Variants in KCNK9 observed in about 807,000 individuals in gnomAD.
The protein encoded by KCNK9 is potassium channel subfamily K member 9.
In KCNK9, 1 loss-of-function variant was observed where a neutral mutation model predicts 10.8. That is an observed-to-expected ratio of 0.09 (90% CI 0.03 to 0.44). The LOEUF is 0.44. Among genes scored for constraint, KCNK9 ranks in the 20% least tolerant of loss-of-function variants. KCNK9 has a pLI of 0.97. For missense variants in KCNK9, 303 were observed against 515.0 expected, an observed-to-expected ratio of 0.59 and a Z score of 3.98; for synonymous variants, 231 against 222.7, an observed-to-expected ratio of 1.04 and a Z score of -0.33.
At chr8:139,626,469 G>A (rs1814980511) in intron 1 of KCNK9, among the ~76,000 whole-genome samples, 1 of 152,210 alleles carries the variant, frequency 6.6e-6, no homozygotes, top group Non-Finnish European at 1.5e-5. Flanking sequence ...GGGGTGGAGT[G>A]GAGGAGCTCA....
chr8:139,618,492 G>A lies in KCNK9; in HGVS notation c.891C>T (p.Cys297=), dbSNP rs1449203993. 6.2e-7 allele frequency: 1 copy of A among 1,613,824 alleles called. No homozygotes were observed. The highest frequency in any genetic ancestry group is 1.7e-5 in the Admixed American group (1 of 60,034). The change falls in exon 2 of 2, where the codon TGC becomes TGT. Residue 297 remains cysteine, a synonymous_variant. Transcript: ENST00000520439. This position sits in a 1 kb window ranked among gnomAD's most constrained non-coding sequence, Gnocchi z 7.9. ...CCTGCGAGCGGTAGCAGGTGCAGGA[G>A]CACACAGACTGCAGGTCCGGGACGT... ...KADVPDLQSV[C]SCTCYRSQDY...
chr8:139,663,645 G>A (rs534220240), intron 1 of KCNK9, among the ~76,000 whole-genome samples: 62 of 123,112 alleles, frequency 5.0e-4, no homozygotes, highest in African/African-American at 1.8e-3. Context: ...ACGCGCGTGC[G>A]CACGTGTGTG....
At chr8:139,661,450 T>G (rs1816148521) in intron 1 of KCNK9, among the ~76,000 whole-genome samples, 1 of 152,134 alleles carries the variant, frequency 6.6e-6, no homozygotes, top group African/African-American at 2.4e-5. Context: ...TGGCCAAAAG[T>G]ACACAAGGTA....
At chr8:139,613,335 C>A (rs1198435568), downstream of KCNK9, among the ~76,000 whole-genome samples, 1 of 152,112 alleles carries the variant, frequency 6.6e-6, no homozygotes, top group Non-Finnish European at 1.5e-5. Flanking sequence ...GGACCGTGGT[C>A]ATAGATTTGC....
intron 1 of KCNK9, among the ~76,000 whole-genome samples, chr8:139,642,987 G>C (rs1815552757): frequency 6.6e-6 from 1 of 152,052 alleles, no homozygotes; most frequent in South Asian, 2.1e-4. Flanking sequence ...CCACGCTCAG[G>C]ACCCCTCCCT....
At chr8:139,683,876 C>G (rs890181293) in intron 1 of KCNK9, among the ~76,000 whole-genome samples, 1 of 152,220 alleles carries the variant, frequency 6.6e-6, no homozygotes, top group African/African-American at 2.4e-5. Context: ...TGTGGCCCAC[C>G]CTTGGCCTAT....
chr8:139,628,696 T>C (rs1815057416), intron 1 of KCNK9, among the ~76,000 whole-genome samples: 1 of 152,220 alleles, frequency 6.6e-6, no homozygotes, highest in Non-Finnish European at 1.5e-5. Flanking sequence ...CAAAAAGAAC[T>C]TCAGTTGCCT....
chr8:139,614,534 T>C (rs1187391189), downstream of KCNK9, among the ~76,000 whole-genome samples: 1 of 152,206 alleles, frequency 6.6e-6, no homozygotes, highest in Admixed American at 6.5e-5. Context: ...GCCAGGCAGC[T>C]CGCTGTGCTT....
At chr8:139,637,573 C>T (rs1439997212) in intron 1 of KCNK9, among the ~76,000 whole-genome samples, 1 of 152,112 alleles carries the variant, frequency 6.6e-6, no homozygotes, top group Admixed American at 6.5e-5. Context: ...AACAGTCAAA[C>T]TCATGGAAGC....
intron 1 of KCNK9, among the ~76,000 whole-genome samples, chr8:139,635,916 C>T (rs866236875): frequency 1.3e-5 from 2 of 152,150 alleles, no homozygotes; most frequent in South Asian, 2.1e-4. Flanking sequence ...ATCATATTGC[C>T]AATAAAAATT....
intron 1 of KCNK9, among the ~76,000 whole-genome samples, chr8:139,637,128 C>A (rs11995045): frequency 1.8e-3 from 279 of 152,354 alleles, no homozygotes; most frequent in African/African-American, 6.4e-3. Flanking sequence ...TGTGCATGTA[C>A]AAGGCATGTG....
chr8:139,680,465 C>T (rs139082931), intron 1 of KCNK9, among the ~76,000 whole-genome samples: 1 of 152,314 alleles, frequency 6.6e-6, no homozygotes, highest in East Asian at 1.9e-4. Context: ...AGGAGGGCCA[C>T]CTCAGGCACA....
chr8:139,643,359 G>A (rs562048767), intron 1 of KCNK9, among the ~76,000 whole-genome samples: 14 of 152,344 alleles, frequency 9.2e-5, no homozygotes, highest in Non-Finnish European at 1.3e-4. Context: ...GGACTGGGGG[G>A]TTCCAGGTGG....
At chr8:139,665,500 C>T (rs1302343871) in intron 1 of KCNK9, among the ~76,000 whole-genome samples, 1 of 152,234 alleles carries the variant, frequency 6.6e-6, no homozygotes, top group South Asian at 2.1e-4. Context: ...TTAATTCCCC[C>T]TTGCTATGGA....
rs73724501 is a variant in KCNK9 at position 139,652,564 on chromosome 8, G to T, written c.284-33465C>A. 8.6e-3 allele frequency among the ~76,000 whole-genome samples: 1,311 copies of T among 152,308 alleles called. 19 individuals carry two copies. Among genetic ancestry groups the T allele is most frequent in the African/African-American group, 0.031 (1,269 of 41,562 alleles). On this transcript the variant is annotated intron_variant, in intron 1 of 1. Transcript: ENST00000520439. ...TTCCACCCATGCTCTGGGGGCGGGG[G>T]CCGCCAGCCTGCCCTGGCGCTCCTC... is the stretch of plus-strand genomic sequence containing the variant.
intron 1 of KCNK9, among the ~76,000 whole-genome samples, chr8:139,633,422 C>T (rs1038279774): frequency 6.6e-6 from 1 of 152,148 alleles, no homozygotes; most frequent in Non-Finnish European, 1.5e-5. Context: ...ATGAGGACCT[C>T]CTGGAGCTGT....
chr8:139,644,868 C>T (rs1325367137), intron 1 of KCNK9, among the ~76,000 whole-genome samples: 2 of 152,176 alleles, frequency 1.3e-5, no homozygotes, highest in Non-Finnish European at 2.9e-5. Context: ...CTGCCTCCCC[C>T]GCGGAGCTGT....
rs1814656026 is a variant in KCNK9, at chr8:139,618,108, T to C, written c.*150A>G. The C allele has an allele frequency of 1.8e-6, 2 of 1,136,442 alleles. No individual in the cohort carries two copies. Among genetic ancestry groups the C allele is most frequent in the South Asian group, 3.0e-5 (2 of 67,484 alleles). 70.4% of individuals were successfully genotyped at this position (1,136,442 alleles called of 1,614,324 possible). The stretch of plus-strand genomic sequence containing the variant: ...GTCTGGCTGGAAAGGTGGGGGAAAA[T>C]GAGACCAAGAGACCAAGAAAGGAGG... On this transcript the variant is annotated 3_prime_UTR_variant, in exon 2 of 2. Coordinates refer to ENST00000520439, the MANE Select transcript of KCNK9 (RefSeq NM_001282534.2). This position sits in a 1 kb window ranked among gnomAD's most constrained non-coding sequence, Gnocchi z 7.9.
chr8:139,683,173 C>T (rs112799727), intron 1 of KCNK9, among the ~76,000 whole-genome samples: 40 of 152,238 alleles, frequency 2.6e-4, no homozygotes, highest in Non-Finnish European at 5.3e-4. Flanking sequence ...GGTCCCAGAA[C>T]GAAAGGCTCA....
Sources: gnomAD v4.1 joint callset for allele counts (sites outside exome capture counted in the v4.1 genomes callset) on GRCh38, gnomAD v4.1.1 for gene constraint, Gnocchi (gnomAD v3.1) non-coding constraint, MANE v1.5 for transcripts, NCBI Gene and HGNC (gene_info 2026-07-23, HGNC 2026-07-21) for gene names.